The following DIS3L2 variants were observed in gnomAD, a reference collection of about 807,000 sequenced individuals.
The protein encoded by DIS3L2 is DIS3-like exonuclease 2.
A neutral mutation model predicts 97.5 loss-of-function variants in DIS3L2; 34 were observed. The ratio of observed to expected loss-of-function variants is 0.35; its 90% CI spans 0.27 to 0.46. The LOEUF is 0.46. Ranked by LOEUF, DIS3L2 falls within the 20% of genes least tolerant of loss-of-function variation. The pLI is 1.00. For missense variants in DIS3L2, 1,038 were observed against 1,146.0 expected, an observed-to-expected ratio of 0.91 and a Z score of 1.36; for synonymous variants, 435 against 445.2, an observed-to-expected ratio of 0.98 and a Z score of 0.29.
At position 232,271,555 on chromosome 2, in the gene DIS3L2, A is replaced by G. The variant is rs1333455113; in HGVS notation, c.1659+8115A>G. Among the ~76,000 whole-genome samples, 5 of 152,380 alleles carry G rather than the reference A, an allele frequency of 3.3e-5. No individual in the cohort carries two copies. The East Asian group carries it at 9.6e-4, about 29-fold the overall frequency. On this transcript the variant is annotated intron_variant, in intron 13 of 20. Coordinates refer to ENST00000325385, the MANE Select transcript of DIS3L2 (RefSeq NM_152383.5). ...CAACCGTGGAGATAGTTCTAGAGTC[A>G]GCGAGGCTTGAAGAATATTAGCCTC...
chr2:232,026,917 A>G (rs1207237695), intron 4 of DIS3L2, among the ~76,000 whole-genome samples: 2 of 152,098 alleles, frequency 1.3e-5, no homozygotes, highest in African/African-American at 2.4e-5. Flanking sequence ...TGCCTCTTTT[A>G]TTCTTTTATT....
intron 20 of DIS3L2, 91 bp from the exon 21 acceptor site, chr2:232,336,378 G>T: frequency 5.8e-6 from 9 of 1,549,964 alleles, no homozygotes; most frequent in African/African-American, 1.4e-5. Context: ...CGAAGGAGGG[G>T]CCAGGGGTCC....
At chr2:232,319,257 A>G (rs67163108) in intron 14 of DIS3L2, among the ~76,000 whole-genome samples, 41,200 of 152,144 alleles carry the variant, frequency 0.27, 6,170 homozygotes, top group East Asian at 0.46. Flanking sequence ...TGGTTGGCAC[A>G]CAGTGGACAC....
chr2:232,337,269 TTCCTC>T (rs1019758520), downstream of DIS3L2: 2 of 894,646 alleles, frequency 2.2e-6, no homozygotes, highest in African/African-American at 3.6e-5. Flanking sequence ...CTGCCCCCAC[TTCCTC>T]TCTGCACCAG....
chr2:232,134,208 A>T (rs1698295725), intron 7 of DIS3L2, among the ~76,000 whole-genome samples: 1 of 152,142 alleles, frequency 6.6e-6, no homozygotes, highest in Non-Finnish European at 1.5e-5. Context: ...GACAAGAAGA[A>T]GATTGAACAT....
At chr2:232,128,992 GATAGAAAATC>G (rs1347149652) in intron 6 of DIS3L2, among the ~76,000 whole-genome samples, 5 of 152,186 alleles carry the variant, frequency 3.3e-5, no homozygotes, top group Non-Finnish European at 7.3e-5. Context: ...GTTCAGGTCT[GATAGAAAATC>G]ATGATTGGGC....
At chr2:232,074,119 G>A (rs940755694) in intron 5 of DIS3L2, among the ~76,000 whole-genome samples, 3 of 152,158 alleles carry the variant, frequency 2.0e-5, no homozygotes, top group African/African-American at 7.2e-5. Context: ...TAGATATAAA[G>A]GCATAGAATT....
Position 232,297,884 on chromosome 2 carries a change from C to G in DIS3L2, c.1660-2156C>G, listed in dbSNP as rs570439877. 1.8e-3 allele frequency among the ~76,000 whole-genome samples: 269 copies of G among 152,134 alleles called. 2 individuals carry two copies. The highest frequency in any genetic ancestry group is 6.3e-3 in the African/African-American group (261 of 41,510). On this transcript the variant is annotated intron_variant, in intron 13 of 20. Transcript: ENST00000325385. ...CACCCAGCTAATTTTTTGTATTTTA[C>G]TAGAGATGGGGTTTTACCATGTTGC... is the stretch of plus-strand genomic sequence containing the variant.
chr2:231,965,870 G>C (rs546600792), intron 1 of DIS3L2, among the ~76,000 whole-genome samples: 1 of 152,350 alleles, frequency 6.6e-6, no homozygotes, highest in South Asian at 2.1e-4. Flanking sequence ...CCTGGCTGGA[G>C]TGCAGTGGTG....
intron 13 of DIS3L2, among the ~76,000 whole-genome samples, chr2:232,271,166 G>T (rs1693999322): frequency 6.6e-6 from 1 of 152,180 alleles, no homozygotes; most frequent in South Asian, 2.1e-4. Context: ...TCTTGCTAAT[G>T]CTGAGACTGG....
intron 9 of DIS3L2, among the ~76,000 whole-genome samples, chr2:232,165,514 A>G (rs1044708940): frequency 1.3e-5 from 2 of 152,174 alleles, no homozygotes; most frequent in African/African-American, 4.8e-5. Flanking sequence ...GCATACTGCC[A>G]TACTATTCAA....
At chr2:232,047,174 A>G (rs182702909) in intron 5 of DIS3L2, among the ~76,000 whole-genome samples, 19 of 152,378 alleles carry the variant, frequency 1.2e-4, no homozygotes, top group African/African-American at 4.6e-4. Flanking sequence ...ATTTCAATAT[A>G]AAGAGTTTTT....
rs570819092 is a variant in DIS3L2, at chr2:232,145,009, T to C, written c.950+8290T>C. On this transcript the variant is annotated intron_variant, in intron 8 of 20. Coordinates refer to ENST00000325385, the MANE Select transcript of DIS3L2 (RefSeq NM_152383.5). The stretch of plus-strand genomic sequence containing the variant: ...TTAAGGAGGCATCTGCCATGATTCC[T>C]AACTTACTACTTTTTTCCCTTGTAA... Among the ~76,000 whole-genome samples, 5 of 152,342 alleles carry C rather than the reference T, an allele frequency of 3.3e-5. No homozygotes were observed. In the East Asian group the frequency reaches 5.8e-4, roughly 18 times the overall value.
At chr2:232,025,843 A>G (rs1694641644) in intron 4 of DIS3L2, among the ~76,000 whole-genome samples, 1 of 152,216 alleles carries the variant, frequency 6.6e-6, no homozygotes, top group African/African-American at 2.4e-5. Flanking sequence ...CCCATAAGAA[A>G]GCATGACTGT....
intron 9 of DIS3L2, among the ~76,000 whole-genome samples, chr2:232,192,608 G>A (rs1294224194): frequency 1.3e-5 from 2 of 152,134 alleles, no homozygotes; most frequent in Admixed American, 6.5e-5. Flanking sequence ...CTAGAAAGTC[G>A]CGGCACCCTC....
At chr2:232,329,788 C>CGGGGGGGGGCG in intron 14 of DIS3L2, 25 bp from the exon 15 acceptor site, 1 of 1,080,634 alleles carries the variant, frequency 9.3e-7, no homozygotes, top group Non-Finnish European at 1.3e-6. Context: ...CCAGCGGTCC[C>CGGGGGGGGGCG]TCCCATCCCA....
chr2:232,336,711 GT>G lies in DIS3L2; in HGVS notation c.*86del, dbSNP rs373401005. 7,186 of 1,514,992 alleles carry G rather than the reference GT, an allele frequency of 4.7e-3. 94 individuals carry two copies. In the Admixed American group the frequency reaches 0.051, roughly 11 times the overall value. The allele number at this position is 1,514,992 out of a possible 1,614,324, so 93.8% of individuals were successfully genotyped here. The stretch of plus-strand genomic sequence containing the variant: ...TTAGGACCTGTTGACACGGAGGGGG[GT>G]TTTTAATTTGGTTTTTAACAACTCA... On this transcript the variant is annotated 3_prime_UTR_variant, in exon 21 of 21. Transcript: ENST00000325385.
At chr2:232,099,656 A>G (rs1250795357) in intron 6 of DIS3L2, among the ~76,000 whole-genome samples, 1 of 152,238 alleles carries the variant, frequency 6.6e-6, no homozygotes, top group Non-Finnish European at 1.5e-5. Context: ...CAGCTTGTGT[A>G]AAACAGGAAT....
chr2:232,020,862 T>C (rs886794985), intron 3 of DIS3L2, among the ~76,000 whole-genome samples: 7 of 152,144 alleles, frequency 4.6e-5, no homozygotes, highest in African/African-American at 1.7e-4. Context: ...GCATGTCGTA[T>C]GCCTGCATAA....
Sources: gnomAD v4.1 joint callset for allele counts (sites outside exome capture counted in the v4.1 genomes callset) on GRCh38, gnomAD v4.1.1 for gene constraint, MANE v1.5 for transcripts, NCBI Gene and HGNC (gene_info 2026-07-23, HGNC 2026-07-21) for gene names.